NDUFAF2: variants seen among roughly 807,000 people sequenced by gnomAD.
NDUFAF2 encodes the protein NADH dehydrogenase [ubiquinone] 1 alpha subcomplex assembly factor 2.
A neutral mutation model predicts 22.8 loss-of-function variants in NDUFAF2; 13 were observed. That is an observed-to-expected ratio of 0.57 (90% CI 0.37 to 0.91). The LOEUF (loss-of-function observed/expected upper bound fraction) is 0.91. Ranked by LOEUF, NDUFAF2 falls within the 40% of genes least tolerant of loss-of-function variation. NDUFAF2 has a pLI of 0.01. For missense variants in NDUFAF2, 162 were observed against 195.2 expected (o/e 0.83, Z 1.01); for synonymous variants, 53 against 64.2 (o/e 0.83, Z 0.84).
chr5:61,026,071 A>T (rs970854892), intron 1 of NDUFAF2, among the ~76,000 whole-genome samples: 1 of 152,144 alleles, frequency 6.6e-6, no homozygotes, highest in Non-Finnish European at 1.5e-5. Flanking sequence ...CTGAAATTCA[A>T]ACATGAGGAA....
At chr5:60,967,509 T>C (rs1370434536) in intron 1 of NDUFAF2, among the ~76,000 whole-genome samples, 2 of 152,016 alleles carry the variant, frequency 1.3e-5, no homozygotes, top group African/African-American at 4.8e-5. Flanking sequence ...TGAGATATAT[T>C]CCTTTTATAC....
At position 61,047,915 on chromosome 5, in the gene NDUFAF2, A is replaced by G. The variant is rs115697224; in HGVS notation, c.128-25210A>G. ...AGGAAAGCCTTTCTAGCCATTTATCAATGATTTTATAGTCCTTACTTCATG... is the reference window on the plus strand; with the variant it reads ...AGGAAAGCCTTTCTAGCCATTTATCGATGATTTTATAGTCCTTACTTCATG... On this transcript the variant is annotated intron_variant, in intron 1 of 3. Transcript: ENST00000296597. Among the ~76,000 whole-genome samples the G allele has an allele frequency of 7.9e-3, 1,208 of 152,278 alleles. 17 individuals carry two copies. Among genetic ancestry groups the G allele is most frequent in the African/African-American group, 0.027 (1,130 of 41,562 alleles).
intron 1 of NDUFAF2, among the ~76,000 whole-genome samples, chr5:60,989,726 A>G (rs1269613385): frequency 6.6e-6 from 1 of 152,178 alleles, no homozygotes; most frequent in African/African-American, 2.4e-5. Flanking sequence ...AAAGGGAACA[A>G]CAGACACTGG....
chr5:61,094,861 A>G (rs1752619078), intron 2 of NDUFAF2, among the ~76,000 whole-genome samples: 1 of 152,046 alleles, frequency 6.6e-6, no homozygotes, highest in Admixed American at 6.6e-5. Flanking sequence ...CCAGGGAGAT[A>G]CAGACCTGTT....
chr5:61,125,608 A>G (rs1024980304), intron 3 of NDUFAF2, among the ~76,000 whole-genome samples: 8 of 152,152 alleles, frequency 5.3e-5, no homozygotes, highest in Admixed American at 4.6e-4. Flanking sequence ...AATTTAAAAT[A>G]GAATAAAATC....
intron 1 of NDUFAF2, among the ~76,000 whole-genome samples, chr5:61,049,821 C>CAT (rs1414478974): frequency 1.3e-5 from 2 of 149,362 alleles, no homozygotes; most frequent in Non-Finnish European, 3.0e-5. Flanking sequence ...TATTTATATA[C>CAT]ATATATATAA....
intron 1 of NDUFAF2, among the ~76,000 whole-genome samples, chr5:61,007,543 A>G (rs986797101): frequency 1.3e-5 from 2 of 152,258 alleles, no homozygotes; most frequent in Admixed American, 6.5e-5. Flanking sequence ...CAAAAAACAT[A>G]TGAAAAAATG....
chr5:60,956,278 T>C (rs1750614791), intron 1 of NDUFAF2, among the ~76,000 whole-genome samples: 1 of 152,144 alleles, frequency 6.6e-6, no homozygotes, highest in Admixed American at 6.5e-5. Context: ...TGTGGAATCT[T>C]TGGGGATTTC....
intron 1 of NDUFAF2, among the ~76,000 whole-genome samples, chr5:61,016,900 G>T (rs1297754904): frequency 6.6e-6 from 1 of 152,174 alleles, no homozygotes; most frequent in African/African-American, 2.4e-5. Flanking sequence ...AGCACCTGGT[G>T]CCTGGCCACA....
intron 2 of NDUFAF2, among the ~76,000 whole-genome samples, chr5:61,087,139 A>C (rs1752513400): frequency 6.6e-6 from 1 of 152,124 alleles, no homozygotes; most frequent in Non-Finnish European, 1.5e-5. Context: ...TGATAATATT[A>C]GTGCCCGTAG....
intron 2 of NDUFAF2, among the ~76,000 whole-genome samples, chr5:61,088,626 G>T (rs552550020): frequency 1.3e-5 from 2 of 152,178 alleles, no homozygotes; most frequent in Non-Finnish European, 2.9e-5. Flanking sequence ...TAAGAGAAAA[G>T]ACAGTAATAG....
intron 1 of NDUFAF2, among the ~76,000 whole-genome samples, chr5:61,016,357 A>C (rs966611208): frequency 3.9e-5 from 6 of 152,282 alleles, no homozygotes; most frequent in Middle Eastern, 3.4e-3. Context: ...CTGAAATTAC[A>C]AAACTATATA....
intron 3 of NDUFAF2, among the ~76,000 whole-genome samples, chr5:61,104,778 AC>A (rs1752742658): frequency 6.6e-6 from 1 of 152,084 alleles, no homozygotes; most frequent in African/African-American, 2.4e-5. Context: ...GAAAAAAAAA[AC>A]AGGAGACTGC....
At chr5:60,981,632 T>C (rs556949768) in intron 1 of NDUFAF2, among the ~76,000 whole-genome samples, 12 of 152,260 alleles carry the variant, frequency 7.9e-5, no homozygotes, top group Admixed American at 2.6e-4. Context: ...AACAATTTTT[T>C]AAGACATAGT....
At chr5:60,981,159 A>C (rs1444895816) in intron 1 of NDUFAF2, among the ~76,000 whole-genome samples, 1 of 152,204 alleles carries the variant, frequency 6.6e-6, no homozygotes, top group Non-Finnish European at 1.5e-5. Flanking sequence ...CCCAAAGGTC[A>C]AGGATAAAGA....
intron 1 of NDUFAF2, among the ~76,000 whole-genome samples, chr5:60,966,924 T>C (rs1394527856): frequency 6.6e-6 from 1 of 152,094 alleles, no homozygotes; most frequent in Non-Finnish European, 1.5e-5. Flanking sequence ...AATCTGTAGA[T>C]TGCATAGGGT....
At chr5:61,097,673 G>T (rs975449988) in intron 2 of NDUFAF2, among the ~76,000 whole-genome samples, 1 of 152,162 alleles carries the variant, frequency 6.6e-6, no homozygotes, top group Non-Finnish European at 1.5e-5. Flanking sequence ...ATCTCTCTGG[G>T]CCTCAGTTTC....
At chr5:61,005,387 G>A (rs182408358) in intron 1 of NDUFAF2, among the ~76,000 whole-genome samples, 143 of 152,216 alleles carry the variant, frequency 9.4e-4, no homozygotes, top group Non-Finnish European at 1.5e-3. Context: ...GAATGGTGCC[G>A]CAGTAAACAT....
intron 1 of NDUFAF2, among the ~76,000 whole-genome samples, chr5:61,071,310 C>G (rs1409943638): frequency 6.6e-6 from 1 of 152,156 alleles, no homozygotes; most frequent in African/African-American, 2.4e-5. Flanking sequence ...ATTAAATCAG[C>G]CTGATTAAAT....
Sources: allele counts gnomAD v4.1 joint callset (sites outside exome capture counted in the v4.1 genomes callset), GRCh38; gene constraint gnomAD v4.1.1; transcripts MANE v1.5; gene names NCBI Gene and HGNC (gene_info 2026-07-23, HGNC 2026-07-21).